GALNT10: variants seen among roughly 807,000 people sequenced by gnomAD.
The protein encoded by GALNT10 is GalNAc transferase 10.
Under a neutral mutation model 75.0 loss-of-function variants are expected in GALNT10, and 41 were observed. That is an observed-to-expected ratio of 0.55 (90% CI 0.43 to 0.71). GALNT10 has a LOEUF of 0.71. Among genes scored for constraint, GALNT10 ranks in the 30% least tolerant of loss-of-function variants. The pLI is 0.00. For synonymous variants in GALNT10, 302 were observed against 313.0 expected (o/e 0.96, Z 0.37); for missense variants, 727 against 818.5 (o/e 0.89, Z 1.36).
At chr5:154,265,071 C>T (rs551089455) in intron 1 of GALNT10, among the ~76,000 whole-genome samples, 1 of 152,246 alleles carries the variant, frequency 6.6e-6, no homozygotes, top group African/African-American at 2.4e-5. Flanking sequence ...AGCCAGCGAG[C>T]GTAATTTCTG....
intron 1 of GALNT10, among the ~76,000 whole-genome samples, chr5:154,196,643 GA>G (rs368774421): frequency 5.3e-5 from 8 of 152,202 alleles, no homozygotes; most frequent in African/African-American, 1.9e-4. Context: ...TCCTAGAGGA[GA>G]GGGTCTGTCT....
intron 4 of GALNT10, among the ~76,000 whole-genome samples, chr5:154,368,640 G>T (rs1225924493): frequency 1.3e-5 from 2 of 152,144 alleles, no homozygotes; most frequent in Non-Finnish European, 2.9e-5. Flanking sequence ...TCCTCCTGGG[G>T]CTCTGAGCCA....
rs1448446593 is a variant in GALNT10 at position 154,191,527 on chromosome 5, C to T, written c.159+502C>T. Among the ~76,000 whole-genome samples the T allele has an allele frequency of 3.4e-5, 5 of 146,694 alleles. No homozygotes were observed. In the South Asian group the frequency reaches 8.7e-4, roughly 25 times the overall value. ...GATTTCTCATCTGCCCAACGAGACA[C>T]CCGGGCCTTCCTCCTCTCCCCATTT... On this transcript the variant is annotated intron_variant, in intron 1 of 11. Coordinates refer to ENST00000297107, the MANE Select transcript of GALNT10 (RefSeq NM_198321.4).
At chr5:154,212,984 G>C (rs1287971348) in intron 1 of GALNT10, among the ~76,000 whole-genome samples, 2 of 145,028 alleles carry the variant, frequency 1.4e-5, no homozygotes, top group Non-Finnish European at 3.0e-5. Flanking sequence ...AAAAAAAAAA[G>C]ATCACAGGCT....
chr5:154,240,935 A>G (rs1459718144), intron 1 of GALNT10, among the ~76,000 whole-genome samples: 2 of 152,220 alleles, frequency 1.3e-5, no homozygotes, highest in African/African-American at 4.8e-5. Flanking sequence ...CCTGCCTTGC[A>G]AAATTGTGGA....
At chr5:154,191,443 C>A (rs955817107) in intron 1 of GALNT10, among the ~76,000 whole-genome samples, 29 of 144,512 alleles carry the variant, frequency 2.0e-4, no homozygotes, top group Non-Finnish European at 3.6e-4. Context: ...CCACCCCCCC[C>A]CCCCCACAAC....
chr5:154,389,688 C>T (rs1254752059), intron 7 of GALNT10: 1 of 151,764 alleles, frequency 6.6e-6, no homozygotes, highest in Non-Finnish European at 1.5e-5. Context: ...AAGGCATTTA[C>T]AATAAATTCT....
intron 4 of GALNT10, among the ~76,000 whole-genome samples, chr5:154,375,166 C>T (rs970726402): frequency 6.6e-6 from 1 of 152,154 alleles, no homozygotes; most frequent in Non-Finnish European, 1.5e-5. Flanking sequence ...ATTTACTGGC[C>T]GTATGTCTAA....
At chr5:154,306,972 A>G (rs1754444137) in intron 3 of GALNT10, among the ~76,000 whole-genome samples, 1 of 152,252 alleles carries the variant, frequency 6.6e-6, no homozygotes. Context: ...CCACTTTGAA[A>G]TGGTCAATTA....
intron 4 of GALNT10, among the ~76,000 whole-genome samples, chr5:154,332,941 G>A (rs1008128088): frequency 5.9e-5 from 9 of 152,202 alleles, no homozygotes; most frequent in Non-Finnish European, 1.2e-4. Context: ...CCAGACCTCA[G>A]CCAGATTCAA....
Position 154,212,640 on chromosome 5 carries a change from T to C in GALNT10, c.159+21615T>C, listed in dbSNP as rs545617636. ...TAAGCACGATGGCACAGCTTGTAAG[T>C]GAGTGAGTTACAGCTTGTAAGTGAG... On this transcript the variant is annotated intron_variant, in intron 1 of 11. Coordinates refer to ENST00000297107, the MANE Select transcript of GALNT10 (RefSeq NM_198321.4). Among the ~76,000 whole-genome samples the C allele has an allele frequency of 3.2e-4, 49 of 152,230 alleles. No individual in the cohort carries two copies. The Middle Eastern group carries it at 0.017, about 53-fold the overall frequency.
At chr5:154,207,928 G>A (rs1775135859) in intron 1 of GALNT10, among the ~76,000 whole-genome samples, 1 of 152,132 alleles carries the variant, frequency 6.6e-6, no homozygotes, top group African/African-American at 2.4e-5. Context: ...TTTCGTATGG[G>A]TCCTGGAGTT....
At chr5:154,345,928 G>A (rs545005920) in intron 4 of GALNT10, among the ~76,000 whole-genome samples, 1 of 142,026 alleles carries the variant, frequency 7.0e-6, no homozygotes, top group East Asian at 2.0e-4. Context: ...CTACAGTTGT[G>A]CACCACCACA....
chr5:154,255,662 GGTCTAGTAT>G (rs1031407741), intron 1 of GALNT10, among the ~76,000 whole-genome samples: 3 of 152,072 alleles, frequency 2.0e-5, no homozygotes, highest in Non-Finnish European at 2.9e-5. Flanking sequence ...CCTCCCTCCA[GGTCTAGTAT>G]GTCTTCCACT....
At chr5:154,219,584 A>G (rs1581924021) in intron 1 of GALNT10, 1 of 151,906 alleles carries the variant, frequency 6.6e-6, no homozygotes, top group Admixed American at 6.6e-5. Flanking sequence ...TCACCTGGGC[A>G]CTCTCCCAGC....
Position 154,355,208 on chromosome 5 carries a change from C to T in GALNT10, c.569-21069C>T, listed in dbSNP as rs537548404. Among the ~76,000 whole-genome samples the T allele has an allele frequency of 5.3e-5, 8 of 152,284 alleles. No individual in the cohort carries two copies. The South Asian group carries it at 1.0e-3, about 20-fold the overall frequency. ...CTGACATTGCTAGGAGACAGAGGCA[C>T]GGGGCCCCACCTTCCTGTCCAACCT... is the stretch of plus-strand genomic sequence containing the variant. On this transcript the variant is annotated intron_variant, in intron 4 of 11. Coordinates refer to ENST00000297107, the MANE Select transcript of GALNT10 (RefSeq NM_198321.4).
chr5:154,267,374 C>T (rs1190468449), intron 1 of GALNT10, among the ~76,000 whole-genome samples: 2 of 152,164 alleles, frequency 1.3e-5, no homozygotes, highest in Non-Finnish European at 2.9e-5. Flanking sequence ...CCAGACATGC[C>T]TCTTGAATTG....
intron 4 of GALNT10, among the ~76,000 whole-genome samples, chr5:154,373,351 A>G (rs1295828427): frequency 6.6e-6 from 1 of 152,228 alleles, no homozygotes; most frequent in Non-Finnish European, 1.5e-5. Flanking sequence ...TTCTCTGGGT[A>G]GAATGAAGGG....
intron 4 of GALNT10, among the ~76,000 whole-genome samples, chr5:154,330,488 C>T (rs1754838953): frequency 6.6e-6 from 1 of 152,216 alleles, no homozygotes; most frequent in Admixed American, 6.5e-5. Flanking sequence ...CTTGGTCACA[C>T]AGCTCTCATG....
Sources: gnomAD v4.1 joint callset for allele counts (sites outside exome capture counted in the v4.1 genomes callset) on GRCh38, gnomAD v4.1.1 for gene constraint, MANE v1.5 for transcripts, NCBI Gene and HGNC (gene_info 2026-07-23, HGNC 2026-07-21) for gene names.